OSBPL11: variants seen among roughly 807,000 people sequenced by gnomAD.
OSBPL11 encodes oxysterol binding protein like 11, also known as oxysterol-binding protein-related protein 11.
In OSBPL11, 33 loss-of-function variants were observed where a neutral mutation model predicts 84.4. The observed-to-expected ratio is 0.39, with a 90% CI of 0.30 to 0.52. OSBPL11 has a LOEUF of 0.52. Among genes scored for constraint, OSBPL11 ranks in the 20% least tolerant of loss-of-function variants. The pLI, the probability that OSBPL11 is intolerant of heterozygous loss-of-function variation, is 0.72. For synonymous variants in OSBPL11, 276 were observed against 310.2 expected (o/e 0.89, Z 1.16); for missense variants, 736 against 901.1 (o/e 0.82, Z 2.35).
At chr3:125,535,439 C>CTTTTTT (rs763678488) in intron 11 of OSBPL11, among the ~76,000 whole-genome samples, 37 of 84,298 alleles carry the variant, frequency 4.4e-4, no homozygotes, top group Non-Finnish European at 6.8e-4. Flanking sequence ...TCAGAAGCAT[C>CTTTTTT]TTTTTTTTTT....
intron 10 of OSBPL11, among the ~76,000 whole-genome samples, chr3:125,545,379 AG>A (rs1345932453): frequency 6.6e-6 from 1 of 152,240 alleles, no homozygotes; most frequent in Non-Finnish European, 1.5e-5. Context: ...TTTTAGCTAT[AG>A]TAACCATCTA....
At chr3:125,548,349 T>C (rs1053663561) in intron 9 of OSBPL11, among the ~76,000 whole-genome samples, 2 of 152,186 alleles carry the variant, frequency 1.3e-5, no homozygotes, top group Admixed American at 1.3e-4. Flanking sequence ...AAAATTGTTC[T>C]TCATTCTATT....
intron 1 of OSBPL11, among the ~76,000 whole-genome samples, chr3:125,593,723 C>T (rs561729006): frequency 6.6e-6 from 1 of 152,038 alleles, no homozygotes; most frequent in South Asian, 2.1e-4. Context: ...AATGTATATC[C>T]CTCACAAAAT....
At chr3:125,534,362 G>A (rs1935607799) in intron 11 of OSBPL11, among the ~76,000 whole-genome samples, 3 of 150,792 alleles carry the variant, frequency 2.0e-5, no homozygotes, top group Admixed American at 6.6e-5. Context: ...CAGCCTGGGC[G>A]ACAGAGTAAG....
At position 125,594,658 on chromosome 3, in the gene OSBPL11, C is replaced by T; in HGVS notation, c.143G>A (p.Ser48Asn). The T allele has an allele frequency of 6.2e-7, 1 of 1,613,780 alleles. No homozygotes were observed. Among genetic ancestry groups the T allele is most frequent in the East Asian group, 2.2e-5 (1 of 44,884 alleles). ...ATACCTGTACTGCCAGCCTTTTGCA[C>T]TGCCACCGCGGCTGCTGCTGCTGCT... ...ISSSSSSRGG[S>N]AKGWQYSDHM... The change falls in exon 1 of 13, where the codon AGT becomes AAT. Residue 48 changes from serine to asparagine, a missense_variant. By Grantham distance (46) the Ser-to-Asn change is conservative (BLOSUM62 1). This residue lies in a region of OSBPL11 where 114 missense variants were observed against 104.9 expected (regional missense o/e 1.09). Coordinates refer to ENST00000296220, the MANE Select transcript of OSBPL11 (RefSeq NM_022776.5).
chr3:125,595,318 GGGA>G lies in OSBPL11; in HGVS notation c.-521_-519del, dbSNP rs1580070629. ...CAGCCAGGGCCGGCGCGCGCAGCCG[GGGA>G]GGAGGGTCGGGGAATGAGGCCGCCG... On this transcript the variant is annotated 5_prime_UTR_variant, in exon 1 of 13. Coordinates refer to ENST00000296220, the MANE Select transcript of OSBPL11 (RefSeq NM_022776.5). 1.3e-5 allele frequency among the ~76,000 whole-genome samples: 2 copies of G among 152,122 alleles called. No homozygotes were observed. The highest frequency in any genetic ancestry group is 3.9e-4 in the East Asian group (2 of 5,138).
chr3:125,587,999 A>G (rs557822478), intron 1 of OSBPL11, among the ~76,000 whole-genome samples: 1 of 152,300 alleles, frequency 6.6e-6, no homozygotes, highest in East Asian at 1.9e-4. Context: ...AGGTGGGTGG[A>G]TCACTTGAGG....
At chr3:125,542,421 T>C (rs1580037511) in intron 10 of OSBPL11, among the ~76,000 whole-genome samples, 1 of 151,674 alleles carries the variant, frequency 6.6e-6, no homozygotes, top group Non-Finnish European at 1.5e-5. Flanking sequence ...CAGCAACCTC[T>C]GCCTCCCAGG....
chr3:125,537,697 TAGA>T, intron 11 of OSBPL11, among the ~76,000 whole-genome samples: 1 of 152,304 alleles, frequency 6.6e-6, no homozygotes, highest in East Asian at 1.9e-4. Context: ...TTTTAATTGA[TAGA>T]AGGACATTTT....
At chr3:125,578,138 T>G (rs534291911) in intron 4 of OSBPL11, among the ~76,000 whole-genome samples, 68 of 152,156 alleles carry the variant, frequency 4.5e-4, no homozygotes, top group Non-Finnish European at 7.1e-4. Flanking sequence ...GTCCACCAAT[T>G]GATGGATTAA....
intron 1 of OSBPL11, among the ~76,000 whole-genome samples, chr3:125,586,544 G>A (rs1559848803): frequency 1.4e-5 from 2 of 145,688 alleles, no homozygotes; most frequent in South Asian, 2.1e-4. Flanking sequence ...ATGGAGTCTC[G>A]CTCTGTCACC....
intron 7 of OSBPL11, among the ~76,000 whole-genome samples, chr3:125,561,549 C>T (rs1936079590): frequency 6.6e-6 from 1 of 152,154 alleles, no homozygotes; most frequent in Admixed American, 6.6e-5. Context: ...TATTCATTTG[C>T]CTTCATGTCT....
At chr3:125,585,319 T>A (rs1936489185) in intron 1 of OSBPL11, among the ~76,000 whole-genome samples, 1 of 151,882 alleles carries the variant, frequency 6.6e-6, no homozygotes, top group African/African-American at 2.4e-5. Flanking sequence ...TTAGTAGAGA[T>A]GGAGTTTCGT....
Position 125,552,254 on chromosome 3 carries a change from C to A in OSBPL11, c.1581G>T (p.Met527Ile), listed in dbSNP as rs1935922898. 6.2e-7 allele frequency: 1 copy of A among 1,614,044 alleles called. No homozygotes were observed. The highest frequency in any genetic ancestry group is 8.5e-7 in the Non-Finnish European group (1 of 1,180,002). ...TAGTCCAGACATGCGCATTTACACA[C>A]ATCTTCCTCTCTGTACATTCTGCAT... ...GFYAECTERK[M>I]CVNAHVWTKS... is the part of the protein sequence containing the mutation. Residue 527 changes from methionine (M) to isoleucine (I), a missense_variant, in exon 9 of 13, where the codon ATG (methionine) becomes ATT (isoleucine). This residue lies in a region of OSBPL11 where 579 missense variants were observed against 717.6 expected (regional missense o/e 0.81). Transcript: ENST00000296220.
Position 125,538,468 on chromosome 3 carries a change from C to T in OSBPL11, c.2007G>A (p.Gln669=). Residue 669 remains glutamine (Q), a synonymous_variant, in exon 11 of 13, where the codon CAG becomes CAA. Coordinates refer to ENST00000296220, the MANE Select transcript of OSBPL11 (RefSeq NM_022776.5). ...TKKRVRPLEK[Q]DPFESRRLWK... Reference sequence around the variant, plus strand: ...TGACATACCTGGATTCAAATGGATCCTGCTTCTCCAGAGGTCTCACTCTTT... The same window carrying T: ...TGACATACCTGGATTCAAATGGATCTTGCTTCTCCAGAGGTCTCACTCTTT... 1 of 1,613,576 alleles carries T rather than the reference C, an allele frequency of 6.2e-7. No individual in the cohort carries two copies. Among genetic ancestry groups the T allele is most frequent in the Non-Finnish European group, 8.5e-7 (1 of 1,179,710 alleles).
intron 11 of OSBPL11, among the ~76,000 whole-genome samples, chr3:125,535,403 C>T (rs1935626098): frequency 6.9e-6 from 1 of 145,478 alleles, no homozygotes; most frequent in African/African-American, 2.5e-5. Context: ...CTATAAAATT[C>T]ATTACAAAAT....
chr3:125,551,496 C>T (rs973549606), intron 9 of OSBPL11, among the ~76,000 whole-genome samples: 6 of 151,906 alleles, frequency 3.9e-5, no homozygotes, highest in Non-Finnish European at 7.4e-5. Flanking sequence ...TCGCCAGGCA[C>T]GGTGGCTCAT....
chr3:125,560,102 A>G (rs1366007018), intron 8 of OSBPL11, among the ~76,000 whole-genome samples: 1 of 151,972 alleles, frequency 6.6e-6, no homozygotes, highest in African/African-American at 2.4e-5. Context: ...TCTACCAAAA[A>G]TACAAAAAAT....
chr3:125,589,070 C>T (rs968214881), intron 1 of OSBPL11, among the ~76,000 whole-genome samples: 2 of 152,036 alleles, frequency 1.3e-5, no homozygotes, highest in East Asian at 1.9e-4. Context: ...TAGACAAAGC[C>T]GGGTGCGGTG....
Sources: allele counts gnomAD v4.1 joint callset (sites outside exome capture counted in the v4.1 genomes callset), GRCh38; gene constraint gnomAD v4.1.1; regional missense constraint gnomAD v4.1.1; transcripts MANE v1.5; gene names NCBI Gene and HGNC (gene_info 2026-07-23, HGNC 2026-07-21).